MRTFA: variants seen among roughly 807,000 people sequenced by gnomAD.
The protein encoded by MRTFA is myocardin related transcription factor A, also known as myocardin-related transcription factor A.
A neutral mutation model predicts 83.5 loss-of-function variants in MRTFA; 20 were observed. That is an observed-to-expected ratio of 0.24 (90% confidence interval 0.17 to 0.35). MRTFA has a LOEUF of 0.35. Ranked by LOEUF, MRTFA falls within the 10% of genes least tolerant of loss-of-function variation. The pLI is 1.00. For missense variants in MRTFA, 1,200 were observed against 1,224.7 expected (o/e 0.98, Z 0.30); for synonymous variants, 659 against 541.2 (o/e 1.22, Z -3.02).
At chr22:40,470,740 G>A (rs1017669830) in intron 3 of MRTFA, among the ~76,000 whole-genome samples, 1 of 151,946 alleles carries the variant, frequency 6.6e-6, no homozygotes, top group Non-Finnish European at 1.5e-5. Flanking sequence ...CCTGAGGTCA[G>A]GAGTTCGAGA....
At chr22:40,576,970 C>T (rs2055876461) in intron 2 of MRTFA, among the ~76,000 whole-genome samples, 1 of 152,094 alleles carries the variant, frequency 6.6e-6, no homozygotes, top group Non-Finnish European at 1.5e-5. Flanking sequence ...AATCCCAGCC[C>T]TTTGCACTTT....
rs111583186 is a variant in MRTFA, at chr22:40,417,263, G to A, written c.2517+78C>T. 2,593 of 1,544,730 alleles carry A rather than the reference G, an allele frequency of 1.7e-3. 36 individuals carry two copies. The African/African-American group carries it at 0.031, about 19-fold the overall frequency. Reference sequence around the variant, plus strand: ...GGCTTCGCCTGCCCCCTATTCCTCCGGGTGGGGCTGTAGGAGCCTCAGCCC... The same window carrying A: ...GGCTTCGCCTGCCCCCTATTCCTCCAGGTGGGGCTGTAGGAGCCTCAGCCC... On this transcript the variant is annotated intron_variant, in intron 13 of 14. Transcript: ENST00000355630.
At chr22:40,482,532 C>A (rs887841983) in intron 3 of MRTFA, among the ~76,000 whole-genome samples, 1 of 152,178 alleles carries the variant, frequency 6.6e-6, no homozygotes, top group Non-Finnish European at 1.5e-5. Flanking sequence ...GCATAGCATG[C>A]ACTTGCACCA....
chr22:40,553,854 C>G (rs1197098560), intron 2 of MRTFA, among the ~76,000 whole-genome samples: 1 of 152,188 alleles, frequency 6.6e-6, no homozygotes, highest in Non-Finnish European at 1.5e-5. Context: ...AACATCAGCC[C>G]ATGAAAGCAG....
chr22:40,499,914 CTTTTTTTT>C (rs72041822), intron 3 of MRTFA, among the ~76,000 whole-genome samples: 1 of 84,928 alleles, frequency 1.2e-5, no homozygotes, highest in African/African-American at 4.5e-5. Context: ...TCAAGTAGAC[CTTTTTTTT>C]TTTTTTTTTT....
At chr22:40,482,972 G>A (rs749787019) in intron 3 of MRTFA, among the ~76,000 whole-genome samples, 1 of 152,084 alleles carries the variant, frequency 6.6e-6, no homozygotes, top group African/African-American at 2.4e-5. Context: ...CTGGTTGTGT[G>A]TGCCTGTAGT....
At chr22:40,603,416 T>C (rs1045241210) in intron 1 of MRTFA, among the ~76,000 whole-genome samples, 2 of 152,332 alleles carry the variant, frequency 1.3e-5, no homozygotes, top group African/African-American at 4.8e-5. Flanking sequence ...TTCTTATTGG[T>C]AACCTCTCTC....
chr22:40,420,779 C>T (rs1412946642), intron 10 of MRTFA, 68 bp downstream of exon 10: 6 of 1,597,460 alleles, frequency 3.8e-6, no homozygotes, highest in Non-Finnish European at 5.1e-6. Flanking sequence ...CCCCACCAGA[C>T]CTGGCACCTG....
chr22:40,632,889 G>A (rs2056656334), intron 1 of MRTFA, among the ~76,000 whole-genome samples: 2 of 152,200 alleles, frequency 1.3e-5, no homozygotes, highest in South Asian at 2.1e-4. Flanking sequence ...TAACACACCC[G>A]CTCTCCAAAA....
Position 40,410,495 on chromosome 22 carries a change from G to A in MRTFA, c.*895C>T, listed in dbSNP as rs2052473858. ...CTCCTGTCCTAGGGCCACGCTGGCTGCAGTGAGGCGGCGGGGACGGAATGT... is the reference window on the plus strand; with the variant it reads ...CTCCTGTCCTAGGGCCACGCTGGCTACAGTGAGGCGGCGGGGACGGAATGT... On this transcript the variant is annotated 3_prime_UTR_variant, in exon 15 of 15. Transcript: ENST00000355630. 1 of 233,300 alleles carries A rather than the reference G, an allele frequency of 4.3e-6. No individual in the cohort carries two copies. 14.5% of individuals were successfully genotyped at this position (233,300 alleles called of 1,614,324 possible). A position where few individuals can be genotyped will look rare whatever the true frequency, so the allele number is the denominator to read the frequency against.
intron 2 of MRTFA, among the ~76,000 whole-genome samples, chr22:40,563,814 CTA>C (rs1418794949): frequency 6.6e-6 from 1 of 152,188 alleles, no homozygotes; most frequent in Admixed American, 6.5e-5. Context: ...AAAATGTGAA[CTA>C]TGTTCTAAAA....
At chr22:40,432,729 C>G (rs141549908) in intron 5 of MRTFA, among the ~76,000 whole-genome samples, 2,605 of 151,700 alleles carry the variant, frequency 0.017, 77 homozygotes, top group African/African-American at 0.06. Context: ...CATCTGCTGC[C>G]TTGTTGTTCT....
At chr22:40,481,047 G>C (rs1233681861) in intron 3 of MRTFA, among the ~76,000 whole-genome samples, 2 of 152,096 alleles carry the variant, frequency 1.3e-5, no homozygotes, top group Non-Finnish European at 2.9e-5. Flanking sequence ...GGTTGAGGCT[G>C]CAGTGAGCCA....
chr22:40,481,888 G>A lies in MRTFA; in HGVS notation c.242-18602C>T, dbSNP rs149078778. On this transcript the variant is annotated intron_variant, in intron 3 of 14. Transcript: ENST00000355630. ...ATCCTGGCTAACACGGTGAAACCCC[G>A]TCTCTACTAAAAATACAAAAAGTTG... Among the ~76,000 whole-genome samples the A allele has an allele frequency of 4.6e-3, 704 of 152,020 alleles. 7 individuals carry two copies. Among genetic ancestry groups the A allele is most frequent in the East Asian group, 0.029 (149 of 5,180 alleles).
intron 2 of MRTFA, among the ~76,000 whole-genome samples, chr22:40,557,805 T>C (rs1048214444): frequency 1.3e-5 from 2 of 152,114 alleles, no homozygotes; most frequent in African/African-American, 4.8e-5. Flanking sequence ...TTACTGAGCT[T>C]GAAAGAATCC....
intron 2 of MRTFA, among the ~76,000 whole-genome samples, chr22:40,592,435 T>C (rs1481729253): frequency 6.8e-6 from 1 of 146,214 alleles, no homozygotes; most frequent in Non-Finnish European, 1.5e-5. Context: ...GGGTAATAAA[T>C]CAAGACCCTG....
At chr22:40,435,602 T>C in intron 4 of MRTFA, 48 bp from the exon 5 acceptor site, 1 of 1,594,724 alleles carries the variant, frequency 6.3e-7, no homozygotes, top group Non-Finnish European at 8.6e-7. Flanking sequence ...AAGCATCATG[T>C]CTAGTGCTAC....
At chr22:40,548,080 G>A (rs980875985) in intron 3 of MRTFA, among the ~76,000 whole-genome samples, 1 of 152,106 alleles carries the variant, frequency 6.6e-6, no homozygotes, top group African/African-American at 2.4e-5. Context: ...ACAGGGCACA[G>A]TGGCTCATGC....
At chr22:40,517,113 CA>C in intron 3 of MRTFA, among the ~76,000 whole-genome samples, 1 of 152,024 alleles carries the variant, frequency 6.6e-6, no homozygotes. Context: ...GTAGAAATGG[CA>C]GTCTCACTAT....
Sources: allele counts gnomAD v4.1 joint callset (sites outside exome capture counted in the v4.1 genomes callset), GRCh38; gene constraint gnomAD v4.1.1; transcripts MANE v1.5; gene names NCBI Gene and HGNC (gene_info 2026-07-23, HGNC 2026-07-21).